ADAM23: variants seen among roughly 807,000 people sequenced by gnomAD.
The protein encoded by ADAM23 is disintegrin and metalloproteinase domain-containing protein 23.
In ADAM23, 33 loss-of-function variants were observed where a neutral mutation model predicts 120.1. That is an observed-to-expected ratio of 0.27 (90% CI 0.21 to 0.37). ADAM23 has a LOEUF of 0.37. ADAM23 is among the 10% of genes least tolerant of loss of function. The pLI, the probability that ADAM23 is intolerant of heterozygous loss-of-function variation, is 1.00. For synonymous variants in ADAM23, 367 were observed against 375.2 expected (o/e 0.98, Z 0.25); for missense variants, 862 against 1,058.2 (o/e 0.81, Z 2.57).
At chr2:206,507,581 T>G (rs1696521160) in intron 3 of ADAM23, among the ~76,000 whole-genome samples, 1 of 152,194 alleles carries the variant, frequency 6.6e-6, no homozygotes, top group African/African-American at 2.4e-5. Context: ...CTTTTCTTTA[T>G]AAATTACTCA....
At chr2:206,611,227 TTTCTC>T (rs1412864848) in intron 25 of ADAM23, among the ~76,000 whole-genome samples, 4 of 152,198 alleles carry the variant, frequency 2.6e-5, no homozygotes, top group Admixed American at 2.6e-4. Context: ...TTATACGTCT[TTTCTC>T]TCGGTATATT....
chr2:206,563,891 G>A (rs1054160947), intron 13 of ADAM23, among the ~76,000 whole-genome samples: 4 of 151,730 alleles, frequency 2.6e-5, no homozygotes, highest in African/African-American at 4.8e-5. Flanking sequence ...CACCACACCC[G>A]GCTAATTTTT....
chr2:206,547,495 A>C lies in ADAM23; in HGVS notation c.787A>C (p.Asn263His), dbSNP rs752761369. 19 of 1,610,170 alleles carry C rather than the reference A, an allele frequency of 1.2e-5. No homozygotes were observed. Among genetic ancestry groups the C allele is most frequent in the Non-Finnish European group, 1.5e-5 (18 of 1,176,810 alleles). The change falls in exon 7 of 26, where the codon AAT becomes CAT. Residue 263 changes from asparagine to histidine, a missense_variant. By Grantham distance (68) the Asn-to-His change is moderately conservative. Around this residue, in one of 4 missense-constraint regions of ADAM23, gnomAD observed 617 missense variants for 813.5 expected, o/e 0.76. Coordinates refer to ENST00000264377, the MANE Select transcript of ADAM23 (RefSeq NM_003812.4). ...AGGACAGTATTCTAAGCAAATGAAG[A>C]ATCTCAGTAAGTTTTAACTAAAAAT... ...LAGQYSKQMKNLTMERGDQWP... is the reference protein window; with the variant it reads ...LAGQYSKQMKHLTMERGDQWP...
intron 3 of ADAM23, among the ~76,000 whole-genome samples, chr2:206,482,910 C>A (rs920335556): frequency 2.0e-5 from 3 of 152,118 alleles, no homozygotes; most frequent in Non-Finnish European, 4.4e-5. Flanking sequence ...GGCAAGGCCA[C>A]GTTGCAGTGT....
rs925336765 is a variant in ADAM23 at position 206,620,258 on chromosome 2, A to G, written c.*2631A>G. On this transcript the variant is annotated 3_prime_UTR_variant, in exon 26 of 26. Transcript: ENST00000264377. The stretch of plus-strand genomic sequence containing the variant: ...CAGACCACAGTGGTCCCCAAATATT[A>G]TGTACATATGGCAAATGTCAGTGTA... 1 of 152,212 alleles carries G rather than the reference A, an allele frequency of 6.6e-6. No individual in the cohort carries two copies. The highest frequency in any genetic ancestry group is 1.5e-5 in the Non-Finnish European group (1 of 68,042). The allele number at this position is 152,212 out of a possible 1,614,324, so 9.4% of individuals were successfully genotyped here.
chr2:206,486,375 T>A (rs2105882029), intron 3 of ADAM23, among the ~76,000 whole-genome samples: 1 of 152,146 alleles, frequency 6.6e-6, no homozygotes, highest in African/African-American at 2.4e-5. Flanking sequence ...GCATTTTAGA[T>A]ATTTTTTATT....
intron 4 of ADAM23, among the ~76,000 whole-genome samples, chr2:206,536,418 G>C (rs1486423316): frequency 1.3e-5 from 2 of 152,086 alleles, no homozygotes; most frequent in East Asian, 3.9e-4. Context: ...GTGGTTACCA[G>C]GGGCAGGAGG....
At chr2:206,488,336 A>G (rs1042792853) in intron 3 of ADAM23, among the ~76,000 whole-genome samples, 1 of 152,216 alleles carries the variant, frequency 6.6e-6, no homozygotes, top group African/African-American at 2.4e-5. Flanking sequence ...AATAGTGTTA[A>G]AACATGATAG....
intron 2 of ADAM23, among the ~76,000 whole-genome samples, chr2:206,458,572 T>A (rs1055826290): frequency 6.6e-6 from 1 of 152,220 alleles, no homozygotes; most frequent in Non-Finnish European, 1.5e-5. Context: ...AAGTTTTCCA[T>A]AAACCTTTGC....
chr2:206,472,257 G>A (rs1171124478), intron 2 of ADAM23, among the ~76,000 whole-genome samples: 2 of 152,136 alleles, frequency 1.3e-5, no homozygotes, highest in Non-Finnish European at 2.9e-5. Context: ...ACTGGAATAT[G>A]TATTTGGATT....
At position 206,589,589 on chromosome 2, in the gene ADAM23, A is replaced by G. The variant is rs1698387888; in HGVS notation, c.1958+75A>G. ...TATGCAAGTGCAAAATGAGCACAAA[A>G]TAAATGCTAATGATTTTTTTCTAAG... On this transcript the variant is annotated intron_variant, in intron 21 of 25. Transcript: ENST00000264377. 8 of 1,176,452 alleles carry G rather than the reference A, an allele frequency of 6.8e-6. No individual in the cohort carries two copies. The Admixed American group carries it at 2.0e-4, about 30-fold the overall frequency. 72.9% of individuals were successfully genotyped at this position (1,176,452 alleles called of 1,614,324 possible).
intron 18 of ADAM23, among the ~76,000 whole-genome samples, chr2:206,583,250 C>T (rs550821064): frequency 1.3e-4 from 20 of 152,222 alleles, no homozygotes; most frequent in South Asian, 2.1e-4. Context: ...GTCAGGAGAT[C>T]GAGACCATCC....
At chr2:206,552,144 T>C (rs1270828929) in intron 9 of ADAM23, among the ~76,000 whole-genome samples, 2 of 152,196 alleles carry the variant, frequency 1.3e-5, no homozygotes, top group East Asian at 3.8e-4. Flanking sequence ...CCTAAGCTTT[T>C]TTCAACATCC....
chr2:206,486,679 C>A (rs1251133739), intron 3 of ADAM23, among the ~76,000 whole-genome samples: 1 of 152,112 alleles, frequency 6.6e-6, no homozygotes, highest in East Asian at 1.9e-4. Context: ...TCCTCTTCCT[C>A]CTCTTTCTCC....
At chr2:206,606,788 G>GA (rs1466827997) in intron 24 of ADAM23, 1 of 152,038 alleles carries the variant, frequency 6.6e-6, no homozygotes, top group Non-Finnish European at 1.5e-5. Context: ...TCTCTAATTA[G>GA]AAAAAGAATA....
chr2:206,466,147 A>G (rs1286808255), intron 2 of ADAM23, among the ~76,000 whole-genome samples: 1 of 152,198 alleles, frequency 6.6e-6, no homozygotes, highest in African/African-American at 2.4e-5. Flanking sequence ...CTTCCAGAAC[A>G]TGGAAGTGAA....
At chr2:206,532,012 T>A (rs1248658928) in intron 4 of ADAM23, among the ~76,000 whole-genome samples, 4 of 152,220 alleles carry the variant, frequency 2.6e-5, no homozygotes, top group African/African-American at 9.7e-5. Flanking sequence ...TGCCACAGAT[T>A]AAGAACTTTC....
chr2:206,514,018 T>G (rs754976355), intron 3 of ADAM23, among the ~76,000 whole-genome samples: 2 of 152,194 alleles, frequency 1.3e-5, no homozygotes, highest in Non-Finnish European at 1.5e-5. Flanking sequence ...TTACTGCTCA[T>G]TGACAATGCA....
At chr2:206,607,985 A>G (rs1457372583) in intron 24 of ADAM23, 1 of 452,692 alleles carries the variant, frequency 2.2e-6, no homozygotes, top group African/African-American at 2.0e-5. Flanking sequence ...ACGAAGTGCA[A>G]ATCATATCCA....
Sources: gnomAD v4.1 joint callset for allele counts (sites outside exome capture counted in the v4.1 genomes callset) on GRCh38, gnomAD v4.1.1 for gene constraint, gnomAD v4.1.1 regional missense constraint, MANE v1.5 for transcripts, NCBI Gene and HGNC (gene_info 2026-07-23, HGNC 2026-07-21) for gene names.